TIAM1: variants seen among roughly 807,000 people sequenced by gnomAD.
TIAM1 encodes the protein TIAM Rac1 associated GEF 1, also known as rho guanine nucleotide exchange factor TIAM1.
In TIAM1, 65 loss-of-function variants were observed where a neutral mutation model predicts 163.5. That is an observed-to-expected ratio of 0.40 (90% CI 0.33 to 0.49). The LOEUF (loss-of-function observed/expected upper bound fraction) is 0.49, where lower values mean the gene tolerates loss of function less well. Among genes scored for constraint, TIAM1 ranks in the 20% least tolerant of loss-of-function variants. TIAM1 has a pLI of 0.77. For synonymous variants in TIAM1, 833 were observed against 810.1 expected (o/e 1.03, Z -0.48); for missense variants, 1,789 against 2,044.7 (o/e 0.87, Z 2.41).
chr21:31,183,972 G>A (rs1376631549), intron 14 of TIAM1, among the ~76,000 whole-genome samples: 4 of 151,794 alleles, frequency 2.6e-5, no homozygotes, highest in African/African-American at 7.3e-5. Context: ...TTTCTGAGAC[G>A]AAGTCTCACT....
intron 2 of TIAM1, among the ~76,000 whole-genome samples, chr21:31,463,344 G>A (rs571055148): frequency 1.1e-4 from 16 of 152,146 alleles, no homozygotes; most frequent in Admixed American, 4.6e-4. Flanking sequence ...TTCACACTCC[G>A]CCCGGAGCAA....
At chr21:31,405,578 C>T (rs1251231035) in intron 2 of TIAM1, among the ~76,000 whole-genome samples, 2 of 152,152 alleles carry the variant, frequency 1.3e-5, no homozygotes, top group Non-Finnish European at 2.9e-5. Context: ...GGAGGCCTCA[C>T]AATCATGGTG....
intron 3 of TIAM1, among the ~76,000 whole-genome samples, chr21:31,275,219 G>T (rs780924689): frequency 6.6e-6 from 1 of 151,716 alleles, no homozygotes; most frequent in African/African-American, 2.4e-5. Flanking sequence ...CAATTATTCC[G>T]GATGGATTGC....
chr21:31,327,643 CAA>C (rs373702154), intron 2 of TIAM1, among the ~76,000 whole-genome samples: 8 of 69,462 alleles, frequency 1.2e-4, no homozygotes, highest in African/African-American at 3.3e-4. Flanking sequence ...GCCGCCATCT[CAA>C]AAAAAAAAAA....
intron 4 of TIAM1, among the ~76,000 whole-genome samples, chr21:31,254,699 G>A (rs2071996778): frequency 7.0e-6 from 1 of 143,602 alleles, no homozygotes; most frequent in Non-Finnish European, 1.5e-5. Context: ...GAGAGACCCT[G>A]TCTCAAAACA....
chr21:31,292,264 C>T (rs1313513506), intron 2 of TIAM1, among the ~76,000 whole-genome samples: 1 of 152,088 alleles, frequency 6.6e-6, no homozygotes, highest in East Asian at 1.9e-4. Context: ...CCTCTTGTGT[C>T]CTTCTTCCCC....
At chr21:31,477,474 A>ATTTTTT (rs58353334) in intron 1 of TIAM1, among the ~76,000 whole-genome samples, 4 of 132,200 alleles carry the variant, frequency 3.0e-5, no homozygotes, top group African/African-American at 8.4e-5. Context: ...AACTAAATGC[A>ATTTTTT]TTTTTTTTTT....
At chr21:31,242,533 T>C (rs111374498) in intron 6 of TIAM1, among the ~76,000 whole-genome samples, 1 of 152,062 alleles carries the variant, frequency 6.6e-6, no homozygotes, top group Non-Finnish European at 1.5e-5. Context: ...AAGGCAGAGA[T>C]GGAAGCTAGT....
intron 2 of TIAM1, among the ~76,000 whole-genome samples, chr21:31,425,405 G>C (rs545673074): frequency 6.6e-6 from 1 of 152,248 alleles, no homozygotes; most frequent in African/African-American, 2.4e-5. Flanking sequence ...GCCCTGCCAA[G>C]AGGTAAATGG....
intron 2 of TIAM1, among the ~76,000 whole-genome samples, chr21:31,432,794 T>C (rs1327007864): frequency 2.0e-5 from 3 of 152,084 alleles, no homozygotes; most frequent in Non-Finnish European, 4.4e-5. Context: ...AGAAAATAAT[T>C]TGGGGCCAGA....
rs144675855 is a variant in TIAM1 at position 31,209,725 on chromosome 21, C to G, written c.2388+320G>C. Among the ~76,000 whole-genome samples, 494 of 152,230 alleles carry G rather than the reference C, an allele frequency of 3.2e-3. 4 individuals carry two copies. The highest frequency in any genetic ancestry group is 0.011 in the African/African-American group (458 of 41,534). On this transcript the variant is annotated intron_variant, in intron 11 of 27. Transcript: ENST00000541036. ...TTCTGGATTTCGTGAATAAGAGTGG[C>G]CTTAATTTTCTGTTGTGTTCTTCAC...
intron 6 of TIAM1, among the ~76,000 whole-genome samples, chr21:31,232,610 C>T (rs1211959459): frequency 6.6e-6 from 1 of 152,160 alleles, no homozygotes; most frequent in Admixed American, 6.5e-5. Flanking sequence ...TGACCTGACA[C>T]AATGTTGTTC....
At chr21:31,557,270 A>G (rs2048912207) in intron 1 of TIAM1, among the ~76,000 whole-genome samples, 1 of 152,212 alleles carries the variant, frequency 6.6e-6, no homozygotes, top group Non-Finnish European at 1.5e-5. Context: ...TGCCTTTTAT[A>G]ATAAAAAGAA....
intron 2 of TIAM1, among the ~76,000 whole-genome samples, chr21:31,334,579 C>A (rs538592124): frequency 6.6e-6 from 1 of 152,184 alleles, no homozygotes; most frequent in Non-Finnish European, 1.5e-5. Context: ...CCCTCACCTG[C>A]GCCTCCAGTA....
At chr21:31,346,900 A>G (rs2076157398), upstream of TIAM1, among the ~76,000 whole-genome samples, 1 of 151,796 alleles carries the variant, frequency 6.6e-6, no homozygotes. Flanking sequence ...TGGGGGGCAT[A>G]TACTTTTTTT....
intron 1 of TIAM1, among the ~76,000 whole-genome samples, chr21:31,496,975 C>T (rs2046683729): frequency 1.3e-5 from 2 of 152,172 alleles, no homozygotes; most frequent in Non-Finnish European, 2.9e-5. Flanking sequence ...GAGCAGTTCA[C>T]AATAAGAGTT....
intron 20 of TIAM1, among the ~76,000 whole-genome samples, chr21:31,142,622 C>G (rs1309680098): frequency 3.6e-4 from 44 of 120,836 alleles, no homozygotes; most frequent in South Asian, 7.9e-4. Context: ...CAGAGGGAGA[C>G]TCCGTCTCAA....
intron 2 of TIAM1, among the ~76,000 whole-genome samples, chr21:31,369,097 G>C (rs1402665930): frequency 3.3e-5 from 5 of 152,010 alleles, no homozygotes; most frequent in Non-Finnish European, 5.9e-5. Flanking sequence ...GTGGTGGCGG[G>C]AGCCTGTAGT....
chr21:31,123,903 C>A (rs2082089420), intron 27 of TIAM1: 1 of 152,210 alleles, frequency 6.6e-6, no homozygotes, highest in Non-Finnish European at 1.5e-5. Flanking sequence ...AATATTTATG[C>A]TGGGACCATT....
Sources: allele counts gnomAD v4.1 joint callset (sites outside exome capture counted in the v4.1 genomes callset), GRCh38; gene constraint gnomAD v4.1.1; transcripts MANE v1.5; gene names NCBI Gene and HGNC (gene_info 2026-07-23, HGNC 2026-07-21).